Variants in PYGB observed in about 807,000 individuals in gnomAD.
The protein encoded by PYGB is glycogen phosphorylase B, also known as glycogen phosphorylase, brain form.
A neutral mutation model predicts 94.3 loss-of-function variants in PYGB; 82 were observed. The ratio of observed to expected loss-of-function variants is 0.87; its 90% CI spans 0.73 to 1.04. The LOEUF (loss-of-function observed/expected upper bound fraction) is 1.04. PYGB is among the 50% of genes least tolerant of loss of function. The pLI, the probability that PYGB is intolerant of heterozygous loss-of-function variation, is 0.00. For missense variants in PYGB, 1,132 were observed against 1,158.2 expected (o/e 0.98, Z 0.33); for synonymous variants, 488 against 479.1 (o/e 1.02, Z -0.24).
chr20:25,264,343 A>G (rs994664524), intron 2 of PYGB, among the ~76,000 whole-genome samples: 36 of 152,232 alleles, frequency 2.4e-4, no homozygotes, highest in African/African-American at 8.7e-4. Flanking sequence ...AAAAACTGCA[A>G]GCATCCCCTT....
chr20:25,284,402 A>G (rs2088399336), intron 14 of PYGB, 151 bp downstream of exon 14: 1 of 1,136,766 alleles, frequency 8.8e-7, no homozygotes, highest in African/African-American at 1.6e-5. Context: ...TATTTTAAGC[A>G]AAAGCCATGT....
At chr20:25,268,322 C>T (rs909440437) in intron 2 of PYGB, among the ~76,000 whole-genome samples, 4 of 151,472 alleles carry the variant, frequency 2.6e-5, no homozygotes, top group African/African-American at 9.7e-5. Flanking sequence ...TCATTTGTAA[C>T]TTTGCTGTTG....
rs191757492 is a variant in PYGB, at chr20:25,271,271, G to A, written c.425-112G>A. The A allele has an allele frequency of 2.6e-4, 249 of 965,382 alleles. 1 individual carries two copies. In the East Asian group the frequency reaches 4.8e-3, roughly 19 times the overall value. The allele number at this position is 965,382 out of a possible 1,614,324, so 59.8% of individuals were successfully genotyped here. On this transcript the variant is annotated intron_variant, in intron 3 of 19. Coordinates refer to ENST00000216962, the MANE Select transcript of PYGB (RefSeq NM_002862.4). The stretch of plus-strand genomic sequence containing the variant: ...TCCAGTTTTCCTCTCAGTGAAGCCT[G>A]AAGTCAGTGTGATCCCCTCTGAATT...
chr20:25,278,494 C>T (rs1483058862), intron 8 of PYGB, 32 bp downstream of exon 8: 1 of 1,610,980 alleles, frequency 6.2e-7, no homozygotes, highest in Non-Finnish European at 8.5e-7. Context: ...GATCTCAGTG[C>T]CAGGGGCTGG....
At chr20:25,263,758 A>G (rs2092918627) in intron 2 of PYGB, among the ~76,000 whole-genome samples, 1 of 152,230 alleles carries the variant, frequency 6.6e-6, no homozygotes, top group Non-Finnish European at 1.5e-5. Context: ...GAATAGACCA[A>G]TAACAGGCTT....
At chr20:25,258,949 C>G (rs115107079) in intron 1 of PYGB, among the ~76,000 whole-genome samples, 1,992 of 152,360 alleles carry the variant, frequency 0.013, 37 homozygotes, top group African/African-American at 0.043. Flanking sequence ...GCCCCAACCA[C>G]CAACCTGCCC....
At chr20:25,287,145 C>T (rs1006319863) in intron 14 of PYGB, among the ~76,000 whole-genome samples, 5 of 152,338 alleles carry the variant, frequency 3.3e-5, no homozygotes, top group African/African-American at 1.2e-4. Flanking sequence ...CGAGGACAGC[C>T]TGTTTGCTGG....
rs1209015559 is a variant in PYGB at position 25,278,380 on chromosome 20, A to G, written c.917A>G (p.Gln306Arg). The G allele has an allele frequency of 6.2e-7, 1 of 1,603,732 alleles. No homozygotes were observed. The highest frequency in any genetic ancestry group is 8.5e-7 in the Non-Finnish European group (1 of 1,176,740). ...QEYFVVAATL[Q>R]DIIRRFKSSK... Reference sequence around the variant, plus strand: ...TACTTCGTGGTGGCCGCCACGCTCCAGGACATCATCCGCCGCTTCAAGTCG... The same window carrying G: ...TACTTCGTGGTGGCCGCCACGCTCCGGGACATCATCCGCCGCTTCAAGTCG... The change falls in exon 8 of 20, where the codon CAG (glutamine) becomes CGG (arginine). Residue 306 changes from glutamine (Q) to arginine (R), a missense_variant. Coordinates refer to ENST00000216962, the MANE Select transcript of PYGB (RefSeq NM_002862.4).
Position 25,292,613 on chromosome 20 carries a change from G to A in PYGB, c.2177G>A (p.Gly726Glu). ...GATGTCGAGGCCTTGGACCGGAAAG[G>A]GTGCGAGCCTGTGCCCCTGGGCACC... ...VEDVEALDRK[G>E]YNAREYYDHL... Residue 726 changes from glycine (G) to glutamate (E), a missense_variant and splice_region_variant, in exon 17 of 20, where the codon GGG (glycine) becomes GAG (glutamate). Coordinates refer to ENST00000216962, the MANE Select transcript of PYGB (RefSeq NM_002862.4). 6.2e-7 allele frequency: 1 copy of A among 1,610,126 alleles called. No individual in the cohort carries two copies. The highest frequency in any genetic ancestry group is 8.5e-7 in the Non-Finnish European group (1 of 1,179,200).
intron 14 of PYGB, 44 bp from the exon 15 acceptor site, chr20:25,288,381 C>T (rs747911937): frequency 1.4e-5 from 22 of 1,611,596 alleles, no homozygotes; most frequent in Non-Finnish European, 1.8e-5. Flanking sequence ...GGGGCTCGTC[C>T]GGCTCGCGGT....
At position 25,279,114 on chromosome 20, in the gene PYGB, A is replaced by T. The variant is rs1264072783; in HGVS notation, c.1057A>T (p.Ile353Phe). The change falls in exon 9 of 20, where the codon ATC becomes TTC. Residue 353 changes from isoleucine (I) to phenylalanine (F), a missense_variant. Transcript: ENST00000216962. ...PALSIPELMR[I>F]LVDVEKVDWD... ...CCTCTCCATCCCTGAGCTCATGCGG[A>T]TCCTGGTGGACGTGGAGAAGGTGGA... 6.2e-7 allele frequency: 1 copy of T among 1,613,860 alleles called. No homozygotes were observed. Among genetic ancestry groups the T allele is most frequent in the East Asian group, 2.2e-5 (1 of 44,894 alleles).
intron 18 of PYGB, chr20:25,295,075 G>A (rs1300687064): frequency 1.4e-5 from 22 of 1,583,192 alleles, no homozygotes; most frequent in East Asian, 4.5e-5. Context: ...TCTGCATTTC[G>A]TGAAGTGTGC....
At chr20:25,260,102 G>A (rs554536309) in intron 2 of PYGB, among the ~76,000 whole-genome samples, 3 of 152,190 alleles carry the variant, frequency 2.0e-5, no homozygotes, top group East Asian at 1.9e-4. Flanking sequence ...CTGGGGCTCC[G>A]TCTCCCCCTG....
intron 4 of PYGB, 31 bp from the exon 5 acceptor site, chr20:25,274,561 G>A: frequency 1.9e-6 from 3 of 1,607,544 alleles, no homozygotes; most frequent in Admixed American, 3.3e-5. Context: ...CATCTGCGCT[G>A]AGGGTGCCCT....
At chr20:25,293,919 AAC>A (rs2088499602) in intron 17 of PYGB, 1 of 556,648 alleles carries the variant, frequency 1.8e-6, no homozygotes, top group African/African-American at 1.9e-5. Context: ...ACATTTCTTT[AAC>A]AGTCAAAGGA....
At chr20:25,273,823 T>C (rs1220982534) in intron 4 of PYGB, among the ~76,000 whole-genome samples, 1 of 152,178 alleles carries the variant, frequency 6.6e-6, no homozygotes, top group Non-Finnish European at 1.5e-5. Context: ...ATTTGCAGTG[T>C]CACTTTCTTT....
rs2227890 is a variant in PYGB, at chr20:25,280,295, A to C, written c.1122A>C (p.Ala374=). The C allele has an allele frequency of 2.5e-6, 4 of 1,613,982 alleles. No individual in the cohort carries two copies. The Admixed American group carries it at 5.0e-5, about 20-fold the overall frequency. ...GGGAAATCACGAAGAAGACCTGTGC[A>C]TACACCAACCACACTGTGCTGCCTG... ...KAWEITKKTC[A]YTNHTVLPEA... Residue 374 remains alanine, a synonymous_variant, in exon 10 of 20, where the codon GCA becomes GCC. Coordinates refer to ENST00000216962, the MANE Select transcript of PYGB (RefSeq NM_002862.4).
chr20:25,252,348 G>A (rs909082784), intron 1 of PYGB, among the ~76,000 whole-genome samples: 12 of 152,200 alleles, frequency 7.9e-5, no homozygotes, highest in African/African-American at 2.9e-4. Context: ...AGATAGTAAC[G>A]TGGATGTCCC....
intron 1 of PYGB, among the ~76,000 whole-genome samples, chr20:25,255,895 A>G (rs66650433): frequency 0.048 from 7,248 of 152,094 alleles, 181 homozygotes; most frequent in Middle Eastern, 0.11. Flanking sequence ...CACCACGCCC[A>G]GCTAGTTTTG....
Sources: allele counts gnomAD v4.1 joint callset (sites outside exome capture counted in the v4.1 genomes callset), GRCh38; gene constraint gnomAD v4.1.1; transcripts MANE v1.5; gene names NCBI Gene and HGNC (gene_info 2026-07-23, HGNC 2026-07-21).